The following MMP26 variants were observed in gnomAD, a reference collection of about 807,000 sequenced individuals.
MMP26 encodes matrix metalloproteinase-26.
MMP26 carries 33 observed loss-of-function variants against 31.0 expected under a neutral mutation model. The ratio of observed to expected loss-of-function variants is 1.06; its 90% CI spans 0.81 to 1.42. The LOEUF is 1.42. Ranked by LOEUF, MMP26 falls within the 40% of genes most tolerant of loss-of-function variation. The pLI is 0.00. For synonymous variants in MMP26, 122 were observed against 114.9 expected, an observed-to-expected ratio of 1.06 and a Z score of -0.40; for missense variants, 347 against 316.1, an observed-to-expected ratio of 1.10 and a Z score of -0.74.
intron 2 of MMP26, among the ~76,000 whole-genome samples, chr11:4,883,611 A>G (rs187442228): frequency 6.6e-6 from 1 of 151,788 alleles, no homozygotes; most frequent in Non-Finnish European, 1.5e-5. Flanking sequence ...TTCCATAGCT[A>G]CTCCATTGCT....
At chr11:4,976,106 C>G (rs1381463844) in intron 2 of MMP26, among the ~76,000 whole-genome samples, 1 of 151,978 alleles carries the variant, frequency 6.6e-6, no homozygotes, top group Non-Finnish European at 1.5e-5. Flanking sequence ...TCTAGAGGAA[C>G]TAGAACATTG....
chr11:4,988,375 G>C (rs1019240795), intron 3 of MMP26, 65 bp downstream of exon 3: 7 of 1,159,242 alleles, frequency 6.0e-6, no homozygotes, highest in Non-Finnish European at 7.8e-6. Context: ...TTTCGTGTGT[G>C]TGTGTATGTG....
chr11:4,908,209 G>A (rs748344838), intron 2 of MMP26: 1 of 1,614,008 alleles, frequency 6.2e-7, no homozygotes, highest in Non-Finnish European at 8.5e-7. Context: ...ATATGTTCTT[G>A]TTGGTGCCGC....
At chr11:4,789,782 T>C (rs1848999009) in intron 2 of MMP26, among the ~76,000 whole-genome samples, 1 of 151,474 alleles carries the variant, frequency 6.6e-6, no homozygotes, top group African/African-American at 2.4e-5. Flanking sequence ...CCTTGTGATA[T>C]GCCCGCCCCA....
chr11:4,906,858 A>AG (rs1850898025), intron 2 of MMP26, among the ~76,000 whole-genome samples: 3 of 152,160 alleles, frequency 2.0e-5, no homozygotes, highest in Admixed American at 1.3e-4. Flanking sequence ...TGGGAGGCCA[A>AG]GGCAGGTGGA....
chr11:4,987,768 T>A (rs1846927246), intron 2 of MMP26, among the ~76,000 whole-genome samples: 1 of 152,190 alleles, frequency 6.6e-6, no homozygotes, highest in African/African-American at 2.4e-5. Flanking sequence ...CAGCAGACAT[T>A]ATTTATTTCC....
intron 2 of MMP26, among the ~76,000 whole-genome samples, chr11:4,958,131 A>G (rs2133617843): frequency 6.6e-6 from 1 of 152,288 alleles, no homozygotes; most frequent in East Asian, 1.9e-4. Context: ...ACTAGATGGA[A>G]CAATAATTCA....
chr11:4,749,666 A>G (rs541170262), intron 1 of MMP26, among the ~76,000 whole-genome samples: 1 of 152,276 alleles, frequency 6.6e-6, no homozygotes, highest in South Asian at 2.1e-4. Context: ...TGACAAAAAC[A>G]TACACTGGGG....
At chr11:4,968,482 T>C (rs1169457860) in intron 2 of MMP26, among the ~76,000 whole-genome samples, 2 of 150,514 alleles carry the variant, frequency 1.3e-5, no homozygotes, top group South Asian at 2.1e-4. Flanking sequence ...TTTTCAAAAA[T>C]AAAAAAAAAG....
intron 2 of MMP26, among the ~76,000 whole-genome samples, chr11:4,976,663 A>T (rs1170975212): frequency 6.6e-6 from 1 of 152,036 alleles, no homozygotes; most frequent in Non-Finnish European, 1.5e-5. Flanking sequence ...ATGACACCTC[A>T]GGAAGCAAGA....
intron 2 of MMP26, chr11:4,822,169 G>A (rs80136490): frequency 3.7e-6 from 6 of 1,610,274 alleles, no homozygotes; most frequent in Non-Finnish European, 3.4e-6. Flanking sequence ...CATCAGTGCT[G>A]TTTCCATCTT....
chr11:4,807,716 ATGTAACAAACCTGCACATTG>A (rs1176482957), intron 2 of MMP26, among the ~76,000 whole-genome samples: 1 of 152,210 alleles, frequency 6.6e-6, no homozygotes, highest in African/African-American at 2.4e-5. Context: ...ATGTATACAT[ATGTAACAAACCTGCACATTG>A]TGCACTTGTA....
At chr11:4,847,367 T>G (rs1161779901) in intron 2 of MMP26, 1 of 152,216 alleles carries the variant, frequency 6.6e-6, no homozygotes, top group African/African-American at 2.4e-5. Context: ...ACATTATAAG[T>G]GTTCACTAAA....
chr11:4,847,940 G>C lies in MMP26; in HGVS notation c.-145+80599G>C, dbSNP rs569286561. 5 of 331,664 alleles carry C rather than the reference G, an allele frequency of 1.5e-5. No individual in the cohort carries two copies. The South Asian group carries it at 4.2e-4, about 28-fold the overall frequency. 20.5% of individuals were successfully genotyped at this position (331,664 alleles called of 1,614,324 possible). ...GTATTAAGGTATAGATATAGTGACA[G>C]GACTAACAACAATAAGATAACAACA... On this transcript the variant is annotated intron_variant, in intron 2 of 7. Coordinates refer to ENST00000380390, the MANE Select transcript of MMP26 (RefSeq NM_021801.5).
chr11:4,816,870 A>T (rs1267953759), intron 2 of MMP26, among the ~76,000 whole-genome samples: 6 of 144,130 alleles, frequency 4.2e-5, no homozygotes, highest in African/African-American at 1.3e-4. Context: ...CGCCCGGCTA[A>T]TTTTTTTTTT....
chr11:4,978,822 G>A (rs1054139821), intron 2 of MMP26, among the ~76,000 whole-genome samples: 15 of 151,956 alleles, frequency 9.9e-5, no homozygotes, highest in Admixed American at 4.6e-4. Context: ...TTTTCCCAAC[G>A]CCAGGTCATA....
intron 2 of MMP26, among the ~76,000 whole-genome samples, chr11:4,948,662 A>C (rs1237525624): frequency 8.1e-6 from 1 of 124,176 alleles, no homozygotes; most frequent in Non-Finnish European, 1.8e-5. Context: ...GATCCTAAGG[A>C]AAAGGCTCTT....
chr11:4,716,426 T>A (rs1405003149), intron 1 of MMP26, among the ~76,000 whole-genome samples: 1 of 152,070 alleles, frequency 6.6e-6, no homozygotes, highest in Admixed American at 6.6e-5. Flanking sequence ...GTATGAATCA[T>A]GAGGGAGGGA....
intron 1 of MMP26, among the ~76,000 whole-genome samples, chr11:4,732,317 A>G (rs1177404815): frequency 6.6e-6 from 1 of 152,168 alleles, no homozygotes; most frequent in Non-Finnish European, 1.5e-5. Context: ...CTGTGAATGT[A>G]ATCTTTTTCT....
Sources: allele counts gnomAD v4.1 joint callset (sites outside exome capture counted in the v4.1 genomes callset), GRCh38; gene constraint gnomAD v4.1.1; transcripts MANE v1.5; gene names NCBI Gene and HGNC (gene_info 2026-07-23, HGNC 2026-07-21).